DISP1: variants seen among roughly 807,000 people sequenced by gnomAD.
DISP1 encodes dispatched RND transporter family member 1.
In DISP1, 30 loss-of-function variants were observed where a neutral mutation model predicts 37.3. The observed-to-expected ratio is 0.80, with a 90% CI of 0.60 to 1.09. DISP1 has a LOEUF of 1.09. Ranked by LOEUF, DISP1 falls within the 50% of genes least tolerant of loss-of-function variation. The pLI is 0.00. For synonymous variants in DISP1, 634 were observed against 690.2 expected (o/e 0.92, Z 1.28); for missense variants, 1,598 against 1,879.5 (o/e 0.85, Z 2.77).
At chr1:222,929,697 A>G (rs1490823636) in intron 2 of DISP1, among the ~76,000 whole-genome samples, 1 of 152,038 alleles carries the variant, frequency 6.6e-6, no homozygotes, top group Non-Finnish European at 1.5e-5. Context: ...TCTGCTTCCC[A>G]TGGTTTTAAT....
intron 1 of DISP1, among the ~76,000 whole-genome samples, chr1:222,873,671 T>C (rs1014293858): frequency 6.6e-6 from 1 of 152,218 alleles, no homozygotes; most frequent in African/African-American, 2.4e-5. Flanking sequence ...TGTGTGTTTC[T>C]GCACGTGAGA....
At chr1:222,906,026 A>G (rs1328245452) in intron 1 of DISP1, among the ~76,000 whole-genome samples, 1 of 152,190 alleles carries the variant, frequency 6.6e-6, no homozygotes, top group African/African-American at 2.4e-5. Flanking sequence ...GGTAAACTCT[A>G]GAAATATCAA....
chr1:222,929,223 T>C (rs1558334755), intron 2 of DISP1, among the ~76,000 whole-genome samples: 1 of 152,306 alleles, frequency 6.6e-6, no homozygotes, highest in Admixed American at 6.5e-5. Flanking sequence ...TGACTGCATA[T>C]GATTGGATTT....
intron 1 of DISP1, among the ~76,000 whole-genome samples, chr1:222,857,290 C>A (rs1668609805): frequency 6.6e-6 from 1 of 151,884 alleles, no homozygotes. Flanking sequence ...AAGAAAAAAA[C>A]TGTGATATAG....
At chr1:222,821,852 C>A (rs1663011836) in intron 1 of DISP1, among the ~76,000 whole-genome samples, 1 of 144,990 alleles carries the variant, frequency 6.9e-6, no homozygotes, top group Non-Finnish European at 1.5e-5. Flanking sequence ...GCACTCCAGC[C>A]TGGATGACAG....
chr1:222,848,434 G>T (rs1181451580), intron 1 of DISP1, among the ~76,000 whole-genome samples: 1 of 147,202 alleles, frequency 6.8e-6, no homozygotes, highest in South Asian at 2.2e-4. Flanking sequence ...ATTATAGTAA[G>T]TAGTGGCTTT....
chr1:222,992,822 G>A (rs1678793777), intron 7 of DISP1, among the ~76,000 whole-genome samples: 2 of 150,658 alleles, frequency 1.3e-5, no homozygotes, highest in Non-Finnish European at 2.9e-5. Flanking sequence ...AGAAATGAGG[G>A]CCCAAATGTT....
intron 3 of DISP1, among the ~76,000 whole-genome samples, chr1:222,962,636 AC>A (rs373531808): frequency 6.6e-5 from 10 of 152,304 alleles, no homozygotes; most frequent in African/African-American, 2.2e-4. Context: ...CACATGTACA[AC>A]CATCTGATCT....
chr1:222,885,030 C>T (rs1442038044), intron 1 of DISP1, among the ~76,000 whole-genome samples: 9 of 152,076 alleles, frequency 5.9e-5, no homozygotes, highest in African/African-American at 9.7e-5. Context: ...TTAGTAGAGA[C>T]GGGGTTTCAC....
chr1:222,873,292 G>T (rs1051076029), intron 1 of DISP1, among the ~76,000 whole-genome samples: 4 of 152,166 alleles, frequency 2.6e-5, no homozygotes, highest in Admixed American at 6.6e-5. Context: ...TATTAGGTCT[G>T]CTTGGTGCAG....
At chr1:222,864,603 G>A (rs1669072904) in intron 1 of DISP1, among the ~76,000 whole-genome samples, 2 of 151,822 alleles carry the variant, frequency 1.3e-5, no homozygotes, top group Admixed American at 1.3e-4. Context: ...TAATTCTTTT[G>A]TTTTTGTTTT....
At chr1:222,919,466 A>G (rs1672692916) in intron 1 of DISP1, among the ~76,000 whole-genome samples, 2 of 152,160 alleles carry the variant, frequency 1.3e-5, no homozygotes, top group Non-Finnish European at 1.5e-5. Context: ...GTAAATATGA[A>G]GGGCTGTAGA....
rs543760802 is a variant in DISP1, at chr1:222,870,403, C to G, written c.-159+55325C>G. Reference sequence around the variant, plus strand: ...ATGGTTGAACTAGTTTACAGTCCCACCAACAGTGTAAAAGTGTTCCTATTT... The same window carrying G: ...ATGGTTGAACTAGTTTACAGTCCCAGCAACAGTGTAAAAGTGTTCCTATTT... On this transcript the variant is annotated intron_variant, in intron 1 of 8. Coordinates refer to ENST00000675850, the MANE Select transcript of DISP1 (RefSeq NM_001377229.1). 1.4e-3 allele frequency among the ~76,000 whole-genome samples: 211 copies of G among 152,312 alleles called. 1 individual carries two copies. The highest frequency in any genetic ancestry group is 4.4e-3 in the African/African-American group (181 of 41,562).
intron 1 of DISP1, among the ~76,000 whole-genome samples, chr1:222,860,379 T>G (rs1668810715): frequency 6.6e-6 from 1 of 152,162 alleles, no homozygotes; most frequent in Non-Finnish European, 1.5e-5. Flanking sequence ...GTGATTCACT[T>G]GGGAATAATA....
Position 223,003,723 on chromosome 1 carries a change from C to T in DISP1, c.2326C>T (p.Arg776Cys), listed in dbSNP as rs1057137792. ...AEYKKLFMFE[R>C]VHHGEELHMP... Reference sequence around the variant, plus strand: ...ATACAAAAAGCTTTTCATGTTTGAACGTGTTCACCATGGCGAGGAGCTCCA... The same window carrying T: ...ATACAAAAAGCTTTTCATGTTTGAATGTGTTCACCATGGCGAGGAGCTCCA... Residue 776 changes from arginine (R) to cysteine (C), a missense_variant, in exon 9 of 9, where the codon CGT becomes TGT. Transcript: ENST00000675850. This position sits in a 1 kb window ranked among gnomAD's most constrained non-coding sequence, Gnocchi z 4.3. 14 of 1,614,026 alleles carry T rather than the reference C, an allele frequency of 8.7e-6. No individual in the cohort carries two copies. The highest frequency in any genetic ancestry group is 2.2e-5 in the East Asian group (1 of 44,894).
At chr1:222,869,778 C>A (rs1476097203) in intron 1 of DISP1, among the ~76,000 whole-genome samples, 1 of 151,818 alleles carries the variant, frequency 6.6e-6, no homozygotes, top group Non-Finnish European at 1.5e-5. Flanking sequence ...AGAATTCTTA[C>A]CACCTCTTTT....
At chr1:222,859,248 G>A (rs1361573426) in intron 1 of DISP1, among the ~76,000 whole-genome samples, 2 of 152,124 alleles carry the variant, frequency 1.3e-5, no homozygotes, top group East Asian at 1.9e-4. Context: ...ACCAAACACC[G>A]CATGTTCTCA....
intron 2 of DISP1, among the ~76,000 whole-genome samples, chr1:222,941,601 G>A (rs180829285): frequency 0.018 from 2,794 of 151,518 alleles, 77 homozygotes; most frequent in African/African-American, 0.064. Flanking sequence ...TCCTAGTATG[G>A]GCATGCTCTG....
At chr1:222,879,675 A>G (rs1158995796) in intron 1 of DISP1, among the ~76,000 whole-genome samples, 1 of 152,150 alleles carries the variant, frequency 6.6e-6, no homozygotes, top group Non-Finnish European at 1.5e-5. Context: ...GATAAAGTTA[A>G]TATATGTAAA....
Sources: allele counts gnomAD v4.1 joint callset (sites outside exome capture counted in the v4.1 genomes callset), GRCh38; gene constraint gnomAD v4.1.1; non-coding constraint Gnocchi (gnomAD v3.1); transcripts MANE v1.5; gene names NCBI Gene and HGNC (gene_info 2026-07-23, HGNC 2026-07-21).